The following HIRA variants were observed in gnomAD, a reference collection of about 807,000 sequenced individuals.
The protein encoded by HIRA is histone cell cycle regulator.
HIRA carries 13 observed loss-of-function variants against 126.6 expected under a neutral mutation model. That is an observed-to-expected ratio of 0.10 (90% confidence interval 0.07 to 0.16). The LOEUF (loss-of-function observed/expected upper bound fraction) is 0.16, where lower values mean the gene tolerates loss of function less well. HIRA is among the 10% of genes least tolerant of loss of function. The probability of loss-of-function intolerance (pLI) is 1.00; values close to 1 mark genes in which losing one functional copy is unlikely to be tolerated. For missense variants in HIRA, 834 were observed against 1,314.4 expected, an observed-to-expected ratio of 0.63 and a Z score of 5.65; for synonymous variants, 511 against 520.0, an observed-to-expected ratio of 0.98 and a Z score of 0.24.
In HIRA at chr22:19,359,344, C is replaced by A. The variant is rs138814028; in HGVS notation, c.2226G>T (p.Ala742=). 2 of 1,588,850 alleles carry A rather than the reference C, an allele frequency of 1.3e-6. No homozygotes were observed. Among genetic ancestry groups the A allele is most frequent in the Non-Finnish European group, 1.7e-6 (2 of 1,167,500 alleles). The part of the protein sequence containing the change: ...TVLTSRILTA[A]GSCDVVCVAC... The stretch of plus-strand genomic sequence containing the variant: ...GACCTGCCCACCCTTACCAGCTGCC[C>A]GCAGCAGTGAGGATCCGGCTGGTGA... Residue 742 remains alanine (A), a synonymous_variant, in exon 18 of 25, where the codon GCG becomes GCT. Transcript: ENST00000263208.
At chr22:19,338,953 C>T (rs1435932695) in intron 24 of HIRA, among the ~76,000 whole-genome samples, 2 of 151,430 alleles carry the variant, frequency 1.3e-5, no homozygotes, top group African/African-American at 4.8e-5. Flanking sequence ...AACAAATGGA[C>T]TTAACACATA....
At position 19,345,551 on chromosome 22, in the gene HIRA, G is replaced by A. The variant is rs142190052; in HGVS notation, c.2937+5807C>T. On this transcript the variant is annotated intron_variant, in intron 24 of 24. Transcript: ENST00000263208. ...GACTGGTTTTTTTTTATGGACCAGT[G>A]GGGGAGGGGAAGACGGTTTCAGGAT... Among the ~76,000 whole-genome samples the A allele has an allele frequency of 5.2e-3, 786 of 152,276 alleles. 14 individuals are homozygous for A. The highest frequency in any genetic ancestry group is 0.019 in the African/African-American group (770 of 41,556).
At position 19,375,808 on chromosome 22, in the gene HIRA, G is replaced by T. The variant is rs771318032; in HGVS notation, c.1614-16C>A. On this transcript the variant is annotated splice_polypyrimidine_tract_variant and intron_variant, in intron 14 of 24. Transcript: ENST00000263208. ...AGCATTCATACTGGGGTGAAGAAGA[G>T]GGGAGGCATGTCAAGCGCAATCCTG... 3.7e-6 allele frequency: 6 copies of T among 1,613,518 alleles called. No homozygotes were observed. The African/African-American group carries it at 8.0e-5, about 22-fold the overall frequency.
At chr22:19,371,619 A>T (rs1224507227) in intron 15 of HIRA, among the ~76,000 whole-genome samples, 12 of 116,074 alleles carry the variant, frequency 1.0e-4, no homozygotes. Context: ...ACCCATTGGT[A>T]CTCACTCCTT....
At chr22:19,422,205 T>C (rs1447639871) in intron 1 of HIRA, among the ~76,000 whole-genome samples, 12 of 59,182 alleles carry the variant, frequency 2.0e-4, no homozygotes, top group East Asian at 1.3e-3. Flanking sequence ...TACACATATA[T>C]ATATATACAT....
Position 19,387,717 on chromosome 22 carries a change from C to T in HIRA, c.1107G>A (p.Glu369=). 1.2e-6 allele frequency: 2 copies of T among 1,613,574 alleles called. No individual in the cohort carries two copies. The highest frequency in any genetic ancestry group is 1.7e-6 in the Non-Finnish European group (2 of 1,179,756). The part of the protein sequence containing the change: ...QDELGDPLSE[E]EKSRIHQSTY... The stretch of plus-strand genomic sequence containing the variant: ...ACAAGAGCCGTCAGCCTACCTTCTC[C>T]TCCTCGCTCAGGGGATCGCCAAGCT... The change falls in exon 11 of 25, where the codon GAG becomes GAA. Residue 369 remains glutamate, a synonymous_variant. Coordinates refer to ENST00000263208, the MANE Select transcript of HIRA (RefSeq NM_003325.4).
intron 24 of HIRA, among the ~76,000 whole-genome samples, chr22:19,345,085 C>T (rs2088671675): frequency 6.6e-6 from 1 of 152,158 alleles, no homozygotes; most frequent in African/African-American, 2.4e-5. Context: ...GAGAAGGATG[C>T]CTGCTTCCAG....
At chr22:19,366,870 C>T (rs2088918277) in intron 15 of HIRA, among the ~76,000 whole-genome samples, 1 of 152,230 alleles carries the variant, frequency 6.6e-6, no homozygotes, top group Admixed American at 6.5e-5. Context: ...AAGGGATTCT[C>T]ATACCTCAGC....
intron 13 of HIRA, among the ~76,000 whole-genome samples, chr22:19,382,594 G>T (rs1305375359): frequency 2.0e-5 from 3 of 152,176 alleles, no homozygotes; most frequent in Non-Finnish European, 2.9e-5. Context: ...CACCAAGGAA[G>T]ATTTGGAATA....
chr22:19,430,431 G>A (rs1319295975), intron 1 of HIRA, among the ~76,000 whole-genome samples: 1 of 152,140 alleles, frequency 6.6e-6, no homozygotes, highest in South Asian at 2.1e-4. Context: ...AATTCAAAAC[G>A]AAAAAGCCAC....
In HIRA at chr22:19,422,946, C is replaced by T. The variant is rs537301056; in HGVS notation, c.37+8494G>A. On this transcript the variant is annotated intron_variant, in intron 1 of 24. Coordinates refer to ENST00000263208, the MANE Select transcript of HIRA (RefSeq NM_003325.4). ...GGCCCTGGTCTCCCACCCCAATCCA[C>T]GACAATTCTGAAGGGCCTCCCCAGC... Among the ~76,000 whole-genome samples the T allele has an allele frequency of 2.2e-4, 33 of 152,272 alleles. No individual in the cohort carries two copies. The East Asian group carries it at 4.8e-3, about 22-fold the overall frequency.
At chr22:19,411,918 C>T (rs2089355937) in intron 1 of HIRA, among the ~76,000 whole-genome samples, 1 of 152,206 alleles carries the variant, frequency 6.6e-6, no homozygotes. Context: ...GCCCAAAAGG[C>T]ACTGCCCAGC....
chr22:19,370,579 T>A (rs2088955792), intron 15 of HIRA, among the ~76,000 whole-genome samples: 1 of 152,234 alleles, frequency 6.6e-6, no homozygotes, highest in Non-Finnish European at 1.5e-5. Context: ...GGGCTCCTCC[T>A]GGTTTTCATT....
rs145322429 is a variant in HIRA, at chr22:19,331,438, G to T, written c.*2C>A. The T allele has an allele frequency of 3.1e-5, 50 of 1,613,894 alleles. No homozygotes were observed. The African/African-American group carries it at 6.5e-4, about 21-fold the overall frequency. On this transcript the variant is annotated 3_prime_UTR_variant, in exon 25 of 25. Coordinates refer to ENST00000263208, the MANE Select transcript of HIRA (RefSeq NM_003325.4). ...GCTGCAGCCAGGGCAGGCTGGGGCA[G>T]GCTACTTGTCCCTCAGGATGTCGAG...
At chr22:19,390,018 T>C (rs986279518) in intron 9 of HIRA, among the ~76,000 whole-genome samples, 3 of 150,264 alleles carry the variant, frequency 2.0e-5, no homozygotes, top group African/African-American at 4.9e-5. Context: ...AATTAATGTG[T>C]GTGCACTTTG....
At chr22:19,381,700 A>G (rs1474339488) in intron 13 of HIRA, among the ~76,000 whole-genome samples, 2 of 152,216 alleles carry the variant, frequency 1.3e-5, no homozygotes, top group African/African-American at 4.8e-5. Flanking sequence ...AGGATTTTGC[A>G]CTGACATTCA....
Position 19,353,481 on chromosome 22 carries a change from T to C in HIRA, c.2723A>G (p.His908Arg), listed in dbSNP as rs782413898. ...RQAARLFSVPHVVQQETTLAY... is the reference protein window; with the variant it reads ...RQAARLFSVPRVVQQETTLAY... ...CAGGGTGGTCTCTTGCTGCACCACA[T>C]GAGGCACGGAGAAGAGCCGGGCAGC... Residue 908 changes from histidine (H) to arginine (R), a missense_variant, in exon 23 of 25, where the codon CAT (histidine) becomes CGT (arginine). His to Arg is a conservative substitution (Grantham distance 29). Around this residue, in one of 5 missense-constraint regions of HIRA, gnomAD observed 468 missense variants for 574.2 expected, o/e 0.82. Transcript: ENST00000263208. 6 of 1,612,510 alleles carry C rather than the reference T, an allele frequency of 3.7e-6. No individual in the cohort carries two copies. The highest frequency in any genetic ancestry group is 5.1e-6 in the Non-Finnish European group (6 of 1,179,734).
chr22:19,397,707 C>T (rs2089235220), intron 6 of HIRA, among the ~76,000 whole-genome samples: 1 of 152,142 alleles, frequency 6.6e-6, no homozygotes, highest in Admixed American at 6.6e-5. Context: ...GGGGTGCACA[C>T]AGCAGGTTTA....
intron 1 of HIRA, among the ~76,000 whole-genome samples, chr22:19,421,686 G>T (rs902183854): frequency 2.0e-5 from 3 of 152,006 alleles, no homozygotes; most frequent in Admixed American, 1.3e-4. Context: ...GTGTGTGTGT[G>T]TATGAGATGG....
Sources: allele counts gnomAD v4.1 joint callset (sites outside exome capture counted in the v4.1 genomes callset), GRCh38; gene constraint gnomAD v4.1.1; regional missense constraint gnomAD v4.1.1; transcripts MANE v1.5; gene names NCBI Gene and HGNC (gene_info 2026-07-23, HGNC 2026-07-21).